The following TOP6BL variants were observed in gnomAD, a reference collection of about 807,000 sequenced individuals.
TOP6BL encodes the protein TOP6B like initiator of meiotic double strand breaks, also known as type 2 DNA topoisomerase 6 subunit B-like.
chr11:66,818,152 A>G, the TOP6BL span, among the ~76,000 whole-genome samples: 2 of 152,174 alleles, frequency 1.3e-5, no homozygotes, highest in Non-Finnish European at 1.5e-5. Flanking sequence ...CTACTGAGTC[A>G]TAAGAAAAAA....
At chr11:66,800,956 G>T in the TOP6BL span, 7 of 1,519,570 alleles carry the variant, frequency 4.6e-6, no homozygotes, top group African/African-American at 5.5e-5. Flanking sequence ...TAGTAGTCAT[G>T]GGCCAAAATT....
At chr11:66,827,415 C>A in the TOP6BL span, among the ~76,000 whole-genome samples, 1 of 152,030 alleles carries the variant, frequency 6.6e-6, no homozygotes, top group South Asian at 2.1e-4. Flanking sequence ...AGGTTATTAC[C>A]CTGGTCCCCT....
chr11:66,834,452 T>A, the TOP6BL span, among the ~76,000 whole-genome samples: 1 of 152,198 alleles, frequency 6.6e-6, no homozygotes, highest in African/African-American at 2.4e-5. Flanking sequence ...TGGCTTCAGC[T>A]AGAACTACAA....
the TOP6BL span, among the ~76,000 whole-genome samples, chr11:66,750,528 A>G: frequency 0.011 from 1,633 of 150,656 alleles, 35 homozygotes; most frequent in African/African-American, 0.037. Context: ...AGCCTGGGTG[A>G]CAGAGTGAGA....
chr11:66,841,369 G>GC, the TOP6BL span, among the ~76,000 whole-genome samples: 1 of 151,916 alleles, frequency 6.6e-6, no homozygotes, highest in Non-Finnish European at 1.5e-5. Flanking sequence ...GCCCGCCTCG[G>GC]CCCCCCAAAG....
chr11:66,792,574 TAGTC>T, the TOP6BL span, among the ~76,000 whole-genome samples: 1 of 152,230 alleles, frequency 6.6e-6, no homozygotes, highest in Non-Finnish European at 1.5e-5. Flanking sequence ...ACTTTGGAGT[TAGTC>T]AGCTCTAGGT....
chr11:66,784,554 C>T, the TOP6BL span, among the ~76,000 whole-genome samples: 1 of 152,264 alleles, frequency 6.6e-6, no homozygotes, highest in Non-Finnish European at 1.5e-5. Flanking sequence ...TACTTTCATT[C>T]TCTATGCCTT....
chr11:66,764,553 T>G, the TOP6BL span, among the ~76,000 whole-genome samples: 1 of 149,554 alleles, frequency 6.7e-6, no homozygotes, highest in South Asian at 2.1e-4. Flanking sequence ...TAACCCCAGC[T>G]ACTTGGGAGG....
chr11:66,779,929 A>G, the TOP6BL span, among the ~76,000 whole-genome samples: 16 of 149,248 alleles, frequency 1.1e-4, no homozygotes, highest in African/African-American at 3.9e-4. Flanking sequence ...CAAACACCGC[A>G]TGTTCTCACT....
chr11:66,747,768 G>A, the TOP6BL span, among the ~76,000 whole-genome samples: 3 of 152,120 alleles, frequency 2.0e-5, no homozygotes, highest in Admixed American at 2.0e-4. Context: ...ACAGGCACAC[G>A]CCACCACGCT....
chr11:66,806,058 A>C, the TOP6BL span, among the ~76,000 whole-genome samples: 2 of 152,192 alleles, frequency 1.3e-5, no homozygotes, highest in Non-Finnish European at 2.9e-5. Flanking sequence ...CATAGTAAGG[A>C]GCTATATAGG....
the TOP6BL span, among the ~76,000 whole-genome samples, chr11:66,757,025 A>G: frequency 6.4e-5 from 9 of 140,506 alleles, no homozygotes; most frequent in African/African-American, 2.3e-4. Flanking sequence ...GATGGTCTTT[A>G]TAAAGGGCGG....
At chr11:66,813,845 G>T in the TOP6BL span, 1 of 1,611,504 alleles carries the variant, frequency 6.2e-7, no homozygotes. Flanking sequence ...AAATTTGGCA[G>T]TTTTCTTTAG....
chr11:66,810,607 C>G, the TOP6BL span, among the ~76,000 whole-genome samples: 1 of 152,036 alleles, frequency 6.6e-6, no homozygotes, highest in African/African-American at 2.4e-5. Context: ...AGAAAAGGAG[C>G]AAGTAGGGGA....
At chr11:66,751,059 A>C in the TOP6BL span, among the ~76,000 whole-genome samples, 1 of 151,826 alleles carries the variant, frequency 6.6e-6, no homozygotes, top group Non-Finnish European at 1.5e-5. Flanking sequence ...TCTGTCACCC[A>C]GGCTGGACTG....
chr11:66,801,766 G>A, the TOP6BL span, among the ~76,000 whole-genome samples: 3 of 152,140 alleles, frequency 2.0e-5, no homozygotes, highest in South Asian at 2.1e-4. Context: ...AACCCAGGAG[G>A]TGGAGGTTGC....
At chr11:66,831,789 T>G in the TOP6BL span, among the ~76,000 whole-genome samples, 3 of 151,078 alleles carry the variant, frequency 2.0e-5, no homozygotes, top group Non-Finnish European at 4.4e-5. Flanking sequence ...AGGTCAAGAG[T>G]TCAAGGCCAG....
the TOP6BL span, chr11:66,814,131 G>T: frequency 8.2e-7 from 1 of 1,214,964 alleles, no homozygotes. Flanking sequence ...TGATGGCCCA[G>T]GTTGGGGTTT....
chr11:66,843,164 C>G, the TOP6BL span: 2 of 1,611,230 alleles, frequency 1.2e-6, no homozygotes. Flanking sequence ...CCCTTGTTCC[C>G]GCAGGACGTG....
Sources: allele counts gnomAD v4.1 joint callset (sites outside exome capture counted in the v4.1 genomes callset), GRCh38; gene constraint gnomAD v4.1.1; transcripts MANE v1.5; gene names NCBI Gene and HGNC (gene_info 2026-07-23, HGNC 2026-07-21).